DENND5B: variants seen among roughly 807,000 people sequenced by gnomAD.
DENND5B encodes the protein DENN domain containing 5B.
A neutral mutation model predicts 140.6 loss-of-function variants in DENND5B; 34 were observed. The observed-to-expected ratio is 0.24, with a 90% confidence interval of 0.18 to 0.32. The LOEUF is 0.32. Among genes scored for constraint, DENND5B ranks in the 10% least tolerant of loss-of-function variants. The probability of loss-of-function intolerance (pLI) is 1.00; values close to 1 mark genes in which losing one functional copy is unlikely to be tolerated. For synonymous variants in DENND5B, 551 were observed against 562.1 expected (o/e 0.98, Z 0.28); for missense variants, 1,142 against 1,560.2 (o/e 0.73, Z 4.52).
intron 1 of DENND5B, among the ~76,000 whole-genome samples, chr12:31,536,495 C>G (rs1457044768): frequency 1.3e-5 from 2 of 151,592 alleles, no homozygotes; most frequent in African/African-American, 2.4e-5. Context: ...TTTAGTGAGC[C>G]TGAAGACAGA....
intron 4 of DENND5B, among the ~76,000 whole-genome samples, chr12:31,456,634 G>A (rs143563965): frequency 1.5e-3 from 236 of 152,300 alleles, no homozygotes; most frequent in African/African-American, 5.3e-3. Context: ...CTGAGGAGAT[G>A]GTCATTTGGG....
At chr12:31,499,938 T>C (rs1168342389) in intron 1 of DENND5B, among the ~76,000 whole-genome samples, 1 of 152,242 alleles carries the variant, frequency 6.6e-6, no homozygotes, top group East Asian at 1.9e-4. Flanking sequence ...AGCACACATA[T>C]TCTCTTCTTA....
intron 1 of DENND5B, among the ~76,000 whole-genome samples, chr12:31,554,818 T>G (rs1280350839): frequency 6.6e-6 from 1 of 152,228 alleles, no homozygotes; most frequent in African/African-American, 2.4e-5. Context: ...TCGTCTTCCA[T>G]CACTGATACC....
At chr12:31,524,197 C>A (rs933506499) in intron 1 of DENND5B, among the ~76,000 whole-genome samples, 1 of 152,022 alleles carries the variant, frequency 6.6e-6, no homozygotes, top group East Asian at 1.9e-4. Context: ...AATGAAATTA[C>A]CTTTTATTAG....
intron 4 of DENND5B, among the ~76,000 whole-genome samples, chr12:31,457,609 T>C (rs1944831129): frequency 6.6e-6 from 1 of 152,240 alleles, no homozygotes; most frequent in African/African-American, 2.4e-5. Context: ...GCAGATTATT[T>C]CACCTCATTG....
chr12:31,473,643 A>G (rs1945658619), intron 3 of DENND5B, among the ~76,000 whole-genome samples: 1 of 152,174 alleles, frequency 6.6e-6, no homozygotes, highest in African/African-American at 2.4e-5. Flanking sequence ...CAGACTTTCC[A>G]TTTCAGAGGC....
At chr12:31,486,137 T>C (rs1040852457) in intron 2 of DENND5B, among the ~76,000 whole-genome samples, 7 of 152,168 alleles carry the variant, frequency 4.6e-5, no homozygotes, top group African/African-American at 1.4e-4. Flanking sequence ...CACTTCAGGG[T>C]GACGGTATTA....
chr12:31,459,568 G>A (rs2568885), intron 4 of DENND5B, among the ~76,000 whole-genome samples: 122,483 of 151,994 alleles, frequency 0.81, 49,736 homozygotes, highest in African/African-American at 0.9. Flanking sequence ...GATTACAAGC[G>A]CTTGTAATCC....
rs1941600015 is a variant in DENND5B at position 31,398,379 on chromosome 12, C to T, written c.3069-17G>A. Reference sequence around the variant, plus strand: ...CATGGGAATCTGGTAGGACAGAAAACAAGTTTTTTATTTTTTATTTTTTTG... The same window carrying T: ...CATGGGAATCTGGTAGGACAGAAAATAAGTTTTTTATTTTTTATTTTTTTG... On this transcript the variant is annotated splice_polypyrimidine_tract_variant and intron_variant, in intron 16 of 20. Transcript: ENST00000389082. 1 of 1,520,796 alleles carries T rather than the reference C, an allele frequency of 6.6e-7. No individual in the cohort carries two copies. Among genetic ancestry groups the T allele is most frequent in the Non-Finnish European group, 8.8e-7 (1 of 1,136,758 alleles). 94.2% of individuals were successfully genotyped at this position (1,520,796 alleles called of 1,614,324 possible).
At chr12:31,495,423 G>A (rs559433586) in intron 2 of DENND5B, among the ~76,000 whole-genome samples, 1 of 131,402 alleles carries the variant, frequency 7.6e-6, no homozygotes, top group African/African-American at 2.9e-5. Flanking sequence ...CTGTTGCCCA[G>A]GCTGGAGTGC....
intron 12 of DENND5B, among the ~76,000 whole-genome samples, chr12:31,414,604 G>A (rs927670672): frequency 6.6e-6 from 1 of 152,058 alleles, no homozygotes; most frequent in African/African-American, 2.4e-5. Context: ...AGAATCACTT[G>A]AGCCCAGGAG....
intron 11 of DENND5B, chr12:31,420,153 G>T (rs1942954350): frequency 2.6e-6 from 2 of 775,088 alleles, no homozygotes; most frequent in Non-Finnish European, 3.1e-6. Context: ...TGGAGACAGG[G>T]TCTTGCTCTG....
intron 1 of DENND5B, among the ~76,000 whole-genome samples, chr12:31,504,095 A>G (rs547750718): frequency 6.6e-6 from 1 of 152,338 alleles, no homozygotes; most frequent in East Asian, 1.9e-4. Flanking sequence ...GAGAATTTCC[A>G]GTGAAATAAG....
At chr12:31,547,795 A>T (rs1275468880) in intron 1 of DENND5B, among the ~76,000 whole-genome samples, 1 of 149,794 alleles carries the variant, frequency 6.7e-6, no homozygotes, top group Non-Finnish European at 1.5e-5. Context: ...AACCTCTACC[A>T]CCGGGTTCAA....
intron 17 of DENND5B, among the ~76,000 whole-genome samples, chr12:31,396,056 G>GTTTTTTTTTT (rs34089984): frequency 4.5e-5 from 5 of 112,262 alleles, no homozygotes; most frequent in Admixed American, 1.1e-4. Context: ...GGCATTCCTT[G>GTTTTTTTTTT]TTTTTTTTTT....
intron 1 of DENND5B, chr12:31,499,499 C>T: frequency 1.2e-6 from 1 of 830,896 alleles, no homozygotes; most frequent in Non-Finnish European, 1.7e-6. Flanking sequence ...ATAACATCTA[C>T]AAGTCTGACC....
In DENND5B at chr12:31,521,103, C is replaced by CT. The variant is rs1178531393; in HGVS notation, c.128-25185dup. 5.2e-3 allele frequency among the ~76,000 whole-genome samples: 726 copies of CT among 139,586 alleles called. 1 individual carries two copies. Among genetic ancestry groups the CT allele is most frequent in the Non-Finnish European group, 7.0e-3 (444 of 63,764 alleles). The allele number at this position is 139,586 out of a possible 152,430, so 91.6% of individuals were successfully genotyped here. A position where few individuals can be genotyped will look rare whatever the true frequency, so the allele number is the denominator to read the frequency against. ...ACAGCCTTAGATCATTAAAGTTGGTCTTTTTTTTTTTTTTAATTTCATCAT... is the reference window on the plus strand; with the variant it reads ...ACAGCCTTAGATCATTAAAGTTGGTCTTTTTTTTTTTTTTTAATTTCATCAT... On this transcript the variant is annotated intron_variant, in intron 1 of 20. Coordinates refer to ENST00000389082, the MANE Select transcript of DENND5B (RefSeq NM_144973.4).
Position 31,445,264 on chromosome 12 carries a change from T to G in DENND5B, c.1861+2274A>C, listed in dbSNP as rs34446572. ...CTTGAATGAACAGCTAACATGATGT[T>G]AAGGCTTCCTGTGCCAGAAATCAGA... is the stretch of plus-strand genomic sequence containing the variant. On this transcript the variant is annotated intron_variant, in intron 6 of 20. Transcript: ENST00000389082. Among the ~76,000 whole-genome samples, 304 of 152,350 alleles carry G rather than the reference T, an allele frequency of 2.0e-3. 1 individual carries two copies. The highest frequency in any genetic ancestry group is 3.8e-3 in the Non-Finnish European group (259 of 68,038).
chr12:31,511,445 T>G (rs867621458), intron 1 of DENND5B, among the ~76,000 whole-genome samples: 12 of 152,284 alleles, frequency 7.9e-5, no homozygotes, highest in Middle Eastern at 3.4e-3. Context: ...TTAATTGATG[T>G]GTTAAAATAA....
Sources: allele counts gnomAD v4.1 joint callset (sites outside exome capture counted in the v4.1 genomes callset), GRCh38; gene constraint gnomAD v4.1.1; transcripts MANE v1.5; gene names NCBI Gene and HGNC (gene_info 2026-07-23, HGNC 2026-07-21).